Variants in STX8 observed in about 807,000 individuals in gnomAD.
STX8 encodes the protein syntaxin 8.
STX8 carries 23 observed loss-of-function variants against 37.5 expected under a neutral mutation model. That is an observed-to-expected ratio of 0.61 (90% confidence interval 0.44 to 0.87). The LOEUF is 0.87. Ranked by LOEUF, STX8 falls within the 40% of genes least tolerant of loss-of-function variation. The pLI is 0.00. For synonymous variants in STX8, 115 were observed against 99.1 expected, an observed-to-expected ratio of 1.16 and a Z score of -0.95; for missense variants, 313 against 284.7, an observed-to-expected ratio of 1.10 and a Z score of -0.71.
intron 7 of STX8, among the ~76,000 whole-genome samples, chr17:9,344,258 C>CTTTTTTTTT (rs200606281): frequency 1.4e-5 from 2 of 145,958 alleles, no homozygotes; most frequent in African/African-American, 2.6e-5. Context: ...TGATACTAAA[C>CTTTTTTTTT]TTTTTTTTTT....
chr17:9,528,530 G>A (rs532401184), intron 4 of STX8, among the ~76,000 whole-genome samples: 3 of 152,202 alleles, frequency 2.0e-5, no homozygotes, highest in East Asian at 1.9e-4. Context: ...GGCTGGTCTC[G>A]ATCTCCTGAC....
intron 1 of STX8, among the ~76,000 whole-genome samples, chr17:9,570,588 A>C (rs571567272): frequency 6.6e-6 from 1 of 152,042 alleles, no homozygotes; most frequent in African/African-American, 2.4e-5. Context: ...CAGTGATACA[A>C]GAAAACACAG....
rs1038855461 is a variant in STX8 at position 9,292,128 on chromosome 17, A to G, written c.644-41483T>C. Among the ~76,000 whole-genome samples, 7 of 152,270 alleles carry G rather than the reference A, an allele frequency of 4.6e-5. No homozygotes were observed. The South Asian group carries it at 1.0e-3, about 22-fold the overall frequency. On this transcript the variant is annotated intron_variant, in intron 7 of 7. Transcript: ENST00000306357. ...GCTGGGGCAGAGGCACTGGGAATCC[A>G]GGAGGTACAGGACTGGCCCAGAGGT...
intron 4 of STX8, among the ~76,000 whole-genome samples, chr17:9,513,335 G>C (rs891207186): frequency 2.1e-4 from 22 of 104,958 alleles, no homozygotes; most frequent in Non-Finnish European, 3.8e-4. Flanking sequence ...AAAAAAAAAA[G>C]ATACACAAAA....
intron 6 of STX8, among the ~76,000 whole-genome samples, chr17:9,431,448 G>T (rs368225888): frequency 1.6e-5 from 2 of 128,364 alleles, no homozygotes; most frequent in Non-Finnish European, 3.3e-5. Context: ...TGTTGTTGTT[G>T]TTTTGTTTTT....
chr17:9,463,984 A>T (rs113276044), intron 6 of STX8, among the ~76,000 whole-genome samples: 1 of 152,138 alleles, frequency 6.6e-6, no homozygotes, highest in South Asian at 2.1e-4. Context: ...CTGAGGCAAG[A>T]GAATTGCTTA....
intron 6 of STX8, among the ~76,000 whole-genome samples, chr17:9,473,278 CA>C (rs1474563242): frequency 6.6e-6 from 1 of 152,114 alleles, no homozygotes; most frequent in Non-Finnish European, 1.5e-5. Flanking sequence ...CTTGGCCTCC[CA>C]AAGTGCTGGG....
intron 6 of STX8, among the ~76,000 whole-genome samples, chr17:9,389,566 C>T (rs1049356774): frequency 3.9e-5 from 6 of 152,086 alleles, no homozygotes; most frequent in Admixed American, 1.3e-4. Flanking sequence ...TCAAAATACC[C>T]GACTCCAATA....
At chr17:9,352,750 C>G (rs1910753127) in intron 7 of STX8, among the ~76,000 whole-genome samples, 1 of 151,420 alleles carries the variant, frequency 6.6e-6, no homozygotes, top group Non-Finnish European at 1.5e-5. Context: ...GATCCACCCG[C>G]CTCGGCCTCC....
intron 6 of STX8, among the ~76,000 whole-genome samples, chr17:9,440,525 A>AT (rs546756533): frequency 0.59 from 59,127 of 99,406 alleles, 13,946 homozygotes; most frequent in East Asian, 0.85. Context: ...TGAATCAATG[A>AT]TTTTTTTTTT....
intron 4 of STX8, among the ~76,000 whole-genome samples, chr17:9,513,670 G>C (rs912598320): frequency 2.6e-5 from 4 of 152,046 alleles, no homozygotes; most frequent in Non-Finnish European, 4.4e-5. Flanking sequence ...CCCCCTACTG[G>C]GCACTTATCC....
Position 9,526,027 on chromosome 17 carries a change from C to T in STX8, c.323+19145G>A, listed in dbSNP as rs115010627. Reference sequence around the variant, plus strand: ...ACAAGGCAAACTTAGCAATATGCCACACTTGAACACCTGGTGGAATACTGT... The same window carrying T: ...ACAAGGCAAACTTAGCAATATGCCATACTTGAACACCTGGTGGAATACTGT... On this transcript the variant is annotated intron_variant, in intron 4 of 7. Transcript: ENST00000306357. Among the ~76,000 whole-genome samples, 1,100 of 152,306 alleles carry T rather than the reference C, an allele frequency of 7.2e-3. 13 individuals are homozygous for T. The highest frequency in any genetic ancestry group is 0.025 in the African/African-American group (1,029 of 41,560).
At chr17:9,573,743 G>T (rs1907782935) in intron 1 of STX8, among the ~76,000 whole-genome samples, 2 of 152,072 alleles carry the variant, frequency 1.3e-5, no homozygotes, top group South Asian at 4.1e-4. Flanking sequence ...ACTTTCAACA[G>T]TCTAATGAGA....
At chr17:9,400,648 G>A (rs1031762397) in intron 6 of STX8, among the ~76,000 whole-genome samples, 14 of 152,004 alleles carry the variant, frequency 9.2e-5, no homozygotes, top group Admixed American at 2.6e-4. Context: ...CAGGTGATCC[G>A]CCTGCCTTGG....
At chr17:9,262,627 G>A (rs1238352748) in intron 7 of STX8, among the ~76,000 whole-genome samples, 1 of 151,854 alleles carries the variant, frequency 6.6e-6, no homozygotes, top group Non-Finnish European at 1.5e-5. Flanking sequence ...CTGTCGCCAG[G>A]CTAGAGTGCA....
intron 7 of STX8, among the ~76,000 whole-genome samples, chr17:9,291,435 C>T (rs1412531287): frequency 1.6e-5 from 2 of 128,736 alleles, no homozygotes; most frequent in Non-Finnish European, 3.3e-5. Context: ...GAGTGAGACT[C>T]GGTCTCAAAA....
At chr17:9,382,752 G>A (rs1911866343) in intron 6 of STX8, among the ~76,000 whole-genome samples, 1 of 152,118 alleles carries the variant, frequency 6.6e-6, no homozygotes, top group South Asian at 2.1e-4. Flanking sequence ...CATGATGAAA[G>A]GACACATGTC....
At chr17:9,420,670 C>A (rs1349642822) in intron 6 of STX8, among the ~76,000 whole-genome samples, 1 of 152,188 alleles carries the variant, frequency 6.6e-6, no homozygotes, top group East Asian at 1.9e-4. Context: ...TCTGCCCCCA[C>A]AACTTGAATC....
At chr17:9,406,287 T>C (rs1459877996) in intron 6 of STX8, among the ~76,000 whole-genome samples, 1 of 152,210 alleles carries the variant, frequency 6.6e-6, no homozygotes. Flanking sequence ...TTGTTCAGTG[T>C]TTATATTATT....
Sources: allele counts gnomAD v4.1 joint callset (sites outside exome capture counted in the v4.1 genomes callset), GRCh38; gene constraint gnomAD v4.1.1; transcripts MANE v1.5; gene names NCBI Gene and HGNC (gene_info 2026-07-23, HGNC 2026-07-21).